The following CTNND2 variants were observed in gnomAD, a reference collection of about 807,000 sequenced individuals.
CTNND2 encodes catenin delta-2.
Under a neutral mutation model 144.4 loss-of-function variants are expected in CTNND2, and 22 were observed. The ratio of observed to expected loss-of-function variants is 0.15; its 90% CI spans 0.11 to 0.22. The LOEUF is 0.22. Ranked by LOEUF, CTNND2 falls within the 10% of genes least tolerant of loss-of-function variation. The pLI is 1.00. For missense variants in CTNND2, 1,353 were observed against 1,618.8 expected, an observed-to-expected ratio of 0.84 and a Z score of 2.82; for synonymous variants, 751 against 695.6, an observed-to-expected ratio of 1.08 and a Z score of -1.25.
At chr5:11,570,528 T>C (rs987219750) in intron 2 of CTNND2, among the ~76,000 whole-genome samples, 1 of 152,218 alleles carries the variant, frequency 6.6e-6, no homozygotes, top group Non-Finnish European at 1.5e-5. Flanking sequence ...GAATTCTAGG[T>C]TGGAAATCAT....
At chr5:11,777,830 G>GT (rs1790338461) in intron 1 of CTNND2, among the ~76,000 whole-genome samples, 1 of 152,096 alleles carries the variant, frequency 6.6e-6, no homozygotes, top group Non-Finnish European at 1.5e-5. Context: ...AGGTCCCTGT[G>GT]TTTTTTATTA....
At chr5:11,748,512 G>A (rs959573240) in intron 1 of CTNND2, among the ~76,000 whole-genome samples, 2 of 151,958 alleles carry the variant, frequency 1.3e-5, no homozygotes, top group African/African-American at 2.4e-5. Flanking sequence ...ATGAAAAGGG[G>A]TGATTATCAA....
intron 10 of CTNND2, among the ~76,000 whole-genome samples, chr5:11,228,654 T>A (rs1740635700): frequency 6.6e-6 from 1 of 151,872 alleles, no homozygotes; most frequent in Non-Finnish European, 1.5e-5. Flanking sequence ...CCCAGCTAAT[T>A]TTTGCATTTT....
chr5:11,255,308 CA>C (rs55793211), intron 9 of CTNND2, among the ~76,000 whole-genome samples: 11,192 of 152,206 alleles, frequency 0.074, 568 homozygotes, highest in South Asian at 0.15. Flanking sequence ...CCCATTTCTG[CA>C]ACAGTTGGGC....
chr5:11,144,118 C>G (rs1406816908), intron 12 of CTNND2, among the ~76,000 whole-genome samples: 1 of 150,960 alleles, frequency 6.6e-6, no homozygotes, highest in Admixed American at 6.6e-5. Context: ...GGGGCAGTCC[C>G]CAGGTCTGCA....
intron 9 of CTNND2, among the ~76,000 whole-genome samples, chr5:11,280,479 C>T (rs1178108724): frequency 6.6e-6 from 1 of 152,150 alleles, no homozygotes; most frequent in African/African-American, 2.4e-5. Context: ...GGCAACCTTC[C>T]TGCTGTGCCC....
intron 2 of CTNND2, among the ~76,000 whole-genome samples, chr5:11,668,830 C>T (rs547945294): frequency 6.6e-5 from 10 of 152,258 alleles, no homozygotes. Context: ...AGATGACATC[C>T]TTGTCTTGTG....
At chr5:11,894,661 A>C (rs947477496) in intron 1 of CTNND2, among the ~76,000 whole-genome samples, 1 of 152,204 alleles carries the variant, frequency 6.6e-6, no homozygotes, top group Admixed American at 6.5e-5. Context: ...ATTTTCACCT[A>C]AATTATCACA....
At chr5:11,883,334 G>C (rs905084891) in intron 1 of CTNND2, among the ~76,000 whole-genome samples, 3 of 151,804 alleles carry the variant, frequency 2.0e-5, no homozygotes, top group African/African-American at 7.3e-5. Flanking sequence ...CTCCCCTACC[G>C]CCCCACACCC....
At chr5:11,056,650 C>T (rs1033030622) in intron 16 of CTNND2, among the ~76,000 whole-genome samples, 1 of 152,242 alleles carries the variant, frequency 6.6e-6, no homozygotes, top group South Asian at 2.1e-4. Context: ...GGGCTCATTG[C>T]ACAATCTTAA....
chr5:11,475,101 G>A (rs566455020), intron 3 of CTNND2, among the ~76,000 whole-genome samples: 237 of 152,272 alleles, frequency 1.6e-3, no homozygotes, highest in Non-Finnish European at 2.9e-3. Context: ...AGGTATTACC[G>A]CCATTCTCTT....
At chr5:11,131,291 G>C (rs1755567881) in intron 12 of CTNND2, among the ~76,000 whole-genome samples, 1 of 152,156 alleles carries the variant, frequency 6.6e-6, no homozygotes, top group Admixed American at 6.5e-5. Flanking sequence ...TAAATACCAT[G>C]TGACTAAATA....
chr5:11,544,971 A>T (rs1253159840), intron 3 of CTNND2, among the ~76,000 whole-genome samples: 1 of 152,026 alleles, frequency 6.6e-6, no homozygotes, highest in Non-Finnish European at 1.5e-5. Context: ...GTTACAAAAA[A>T]ATTAGCCGGG....
chr5:11,010,144 G>A (rs548902797), intron 18 of CTNND2, among the ~76,000 whole-genome samples: 2 of 152,184 alleles, frequency 1.3e-5, no homozygotes, highest in Non-Finnish European at 2.9e-5. Context: ...AAGTCCTTAT[G>A]TTCTTCCAAT....
chr5:11,787,714 C>T (rs1025802538), intron 1 of CTNND2, among the ~76,000 whole-genome samples: 3 of 5,926 alleles, frequency 5.1e-4, no homozygotes, highest in Non-Finnish European at 0.011. Flanking sequence ...ATGTCCATGT[C>T]TGTGCACACG....
At chr5:11,033,306 A>G (rs78743917) in intron 16 of CTNND2, among the ~76,000 whole-genome samples, 1,853 of 152,300 alleles carry the variant, frequency 0.012, 33 homozygotes, top group African/African-American at 0.043. Context: ...CCTCCAGCTT[A>G]CCCAAGAGTT....
At chr5:11,127,939 TGGACTGTGGTAGGCCAG>T in intron 12 of CTNND2, among the ~76,000 whole-genome samples, 1 of 110,962 alleles carries the variant, frequency 9.0e-6, no homozygotes, top group East Asian at 6.2e-4. Context: ...GGCCAGAGGG[TGGACTGTGGTAGGCCAG>T]AGAACAGCCC....
At chr5:11,220,248 G>A (rs771836213) in intron 10 of CTNND2, among the ~76,000 whole-genome samples, 19 of 152,160 alleles carry the variant, frequency 1.2e-4, no homozygotes, top group Admixed American at 1.1e-3. Flanking sequence ...ACAGCTGGGA[G>A]GTTGTGTCTC....
At chr5:11,734,781 T>G (rs7736420) in intron 1 of CTNND2, among the ~76,000 whole-genome samples, 151,394 of 152,258 alleles carry the variant, frequency 0.99, 75,270 homozygotes, top group Middle Eastern at 1. Context: ...TTAGAGATAT[T>G]CCAACCTAAA....
Sources: allele counts gnomAD v4.1 joint callset (sites outside exome capture counted in the v4.1 genomes callset), GRCh38; gene constraint gnomAD v4.1.1; transcripts MANE v1.5; gene names NCBI Gene and HGNC (gene_info 2026-07-23, HGNC 2026-07-21).